The following PRUNE2 variants were observed in gnomAD, a reference collection of about 807,000 sequenced individuals.
PRUNE2 encodes the protein protein prune homolog 2.
Under a neutral mutation model 252.0 loss-of-function variants are expected in PRUNE2, and 164 were observed. The ratio of observed to expected loss-of-function variants is 0.65; its 90% CI spans 0.57 to 0.74. PRUNE2 has a LOEUF of 0.74. Among genes scored for constraint, PRUNE2 ranks in the 30% least tolerant of loss-of-function variants. The pLI, the probability that PRUNE2 is intolerant of heterozygous loss-of-function variation, is 0.00. For missense variants in PRUNE2, 3,495 were observed against 3,711.0 expected, an observed-to-expected ratio of 0.94 and a Z score of 1.51; for synonymous variants, 1,292 against 1,350.2, an observed-to-expected ratio of 0.96 and a Z score of 0.94.
intron 1 of PRUNE2, among the ~76,000 whole-genome samples, chr9:76,889,182 G>C (rs1285310247): frequency 6.6e-6 from 1 of 152,064 alleles, no homozygotes. Flanking sequence ...CTTCCTTGCT[G>C]CCAGGCACTG....
At chr9:76,655,529 T>C in intron 9 of PRUNE2, 27 bp from the exon 10 acceptor site, 1 of 1,542,862 alleles carries the variant, frequency 6.5e-7, no homozygotes, top group African/African-American at 1.4e-5. Flanking sequence ...GCAAAGCGCG[T>C]CAACAACAAC....
intron 6 of PRUNE2, among the ~76,000 whole-genome samples, chr9:76,713,987 A>AT (rs1055799069): frequency 6.6e-6 from 1 of 152,092 alleles, no homozygotes; most frequent in African/African-American, 2.4e-5. Context: ...TATCCTAAAC[A>AT]TTTTTTTCTA....
At chr9:76,637,269 G>A (rs1412581482) in intron 14 of PRUNE2, 149 bp downstream of exon 14, 1 of 791,494 alleles carries the variant, frequency 1.3e-6, no homozygotes, top group African/African-American at 1.7e-5. Flanking sequence ...AAGAATACAT[G>A]CTTAATAGCA....
At chr9:76,750,179 A>G (rs1399813994) in intron 6 of PRUNE2, among the ~76,000 whole-genome samples, 2 of 152,158 alleles carry the variant, frequency 1.3e-5, no homozygotes, top group Non-Finnish European at 2.9e-5. Flanking sequence ...TAATAAACCA[A>G]TAAGTGTAAA....
chr9:76,844,380 G>A (rs2059559998), intron 4 of PRUNE2, among the ~76,000 whole-genome samples: 1 of 152,112 alleles, frequency 6.6e-6, no homozygotes, highest in Non-Finnish European at 1.5e-5. Context: ...CCCTTCCCAT[G>A]TCATATGCCA....
chr9:76,760,092 C>G (rs1435236859), intron 6 of PRUNE2: 1 of 152,230 alleles, frequency 6.6e-6, no homozygotes, highest in African/African-American at 2.4e-5. Context: ...GTGCACTTGG[C>G]AAAGAGCTTG....
chr9:76,706,477 C>A lies in PRUNE2; in HGVS notation c.5797G>T (p.Glu1933Ter), dbSNP rs2046323230. ...AAGGTTTGCTCTCTTGAGTCCTTTT[C>A]TTTAATTTGGTCTAATTTTACAAGC... ...SQLVKLDQIKEKDSREQTFVS... is the reference protein window; with the variant it reads ...SQLVKLDQIK Residue 1933 changes from glutamate to a stop codon, truncating the protein, a stop_gained, in exon 8 of 19, where the codon GAA becomes TAA. Transcript: ENST00000376718. LOFTEE classifies it high-confidence loss of function. The A allele has an allele frequency of 6.2e-7, 1 of 1,613,852 alleles. No individual in the cohort carries two copies. The highest frequency in any genetic ancestry group is 1.3e-5 in the African/African-American group (1 of 74,912).
At chr9:76,697,157 TGCCA>T (rs2134610285) in intron 9 of PRUNE2, among the ~76,000 whole-genome samples, 1 of 152,254 alleles carries the variant, frequency 6.6e-6, no homozygotes, top group East Asian at 1.9e-4. Flanking sequence ...AAGCAAGCAA[TGCCA>T]CTAGTTGTGA....
At chr9:76,876,270 G>C (rs2061471701) in intron 1 of PRUNE2, among the ~76,000 whole-genome samples, 2 of 152,200 alleles carry the variant, frequency 1.3e-5, no homozygotes, top group East Asian at 3.8e-4. Context: ...GAATTACAGA[G>C]AATTGTCGAA....
chr9:76,658,004 T>C (rs965801339), intron 9 of PRUNE2, among the ~76,000 whole-genome samples: 10 of 152,130 alleles, frequency 6.6e-5, no homozygotes, highest in African/African-American at 2.2e-4. Flanking sequence ...GGAAGAAAAA[T>C]GCTGAAGGCT....
At chr9:76,619,254 C>A in intron 18 of PRUNE2, 86 bp downstream of exon 18, 1 of 873,710 alleles carries the variant, frequency 1.1e-6, no homozygotes, top group Non-Finnish European at 1.9e-6. Context: ...ACAGGGTTTA[C>A]CCAGTCCTCA....
chr9:76,685,401 A>T (rs2043975696), intron 9 of PRUNE2, among the ~76,000 whole-genome samples: 1 of 152,216 alleles, frequency 6.6e-6, no homozygotes, highest in Admixed American at 6.5e-5. Flanking sequence ...ATGCTGTCAC[A>T]TTCCTAAGGT....
At chr9:76,904,116 GT>G (rs2063339361) in intron 1 of PRUNE2, among the ~76,000 whole-genome samples, 2 of 152,266 alleles carry the variant, frequency 1.3e-5, no homozygotes, top group South Asian at 4.1e-4. Flanking sequence ...GATGTGAAAG[GT>G]TAATCATGAT....
At chr9:76,796,400 G>A (rs980593313) in intron 6 of PRUNE2, among the ~76,000 whole-genome samples, 4 of 152,118 alleles carry the variant, frequency 2.6e-5, no homozygotes, top group African/African-American at 9.7e-5. Context: ...AGGAAGGATA[G>A]GCAAAGAAAC....
chr9:76,816,879 C>T (rs1299786432), intron 6 of PRUNE2, among the ~76,000 whole-genome samples: 2 of 152,152 alleles, frequency 1.3e-5, no homozygotes, highest in Admixed American at 6.5e-5. Context: ...AGACTTTTTC[C>T]TTCCTACACG....
Position 76,758,120 on chromosome 9 carries a change from T to C in PRUNE2, c.757-44399A>G, listed in dbSNP as rs950411484. ...TTCAAAATACATTATTCAAAACTTA[T>C]AAAACTAATAGAGTAAAAGAGATGA... On this transcript the variant is annotated intron_variant, in intron 6 of 18. Transcript: ENST00000376718. Among the ~76,000 whole-genome samples, 6 of 152,228 alleles carry C rather than the reference T, an allele frequency of 3.9e-5. No individual in the cohort carries two copies. In the East Asian group the frequency reaches 7.7e-4, roughly 20 times the overall value.
chr9:76,726,646 T>C (rs1473834432), intron 6 of PRUNE2, among the ~76,000 whole-genome samples: 1 of 152,246 alleles, frequency 6.6e-6, no homozygotes, highest in African/African-American at 2.4e-5. Context: ...AAAATTATGC[T>C]GAATCAATTG....
chr9:76,751,771 G>T (rs988785834), intron 6 of PRUNE2, among the ~76,000 whole-genome samples: 1 of 152,188 alleles, frequency 6.6e-6, no homozygotes, highest in Non-Finnish European at 1.5e-5. Flanking sequence ...CAGTTATTGT[G>T]ATAGAAAAGA....
intron 9 of PRUNE2, among the ~76,000 whole-genome samples, chr9:76,667,019 C>A (rs1463351328): frequency 2.6e-5 from 4 of 152,132 alleles, no homozygotes; most frequent in African/African-American, 9.7e-5. Flanking sequence ...ACACTCCAGC[C>A]TGGGCAACAA....
Sources: gnomAD v4.1 joint callset for allele counts (sites outside exome capture counted in the v4.1 genomes callset) on GRCh38, gnomAD v4.1.1 for gene constraint, MANE v1.5 for transcripts, NCBI Gene and HGNC (gene_info 2026-07-23, HGNC 2026-07-21) for gene names.